SLC35F4: variants seen among roughly 807,000 people sequenced by gnomAD.
SLC35F4 encodes the protein chromosome 14 open reading frame 36.
A neutral mutation model predicts 44.2 loss-of-function variants in SLC35F4; 24 were observed. The ratio of observed to expected loss-of-function variants is 0.54; its 90% CI spans 0.39 to 0.76. The LOEUF (loss-of-function observed/expected upper bound fraction) is 0.76. SLC35F4 is among the 30% of genes least tolerant of loss of function. SLC35F4 has a pLI of 0.00. For missense variants in SLC35F4, 562 were observed against 586.1 expected (o/e 0.96, Z 0.42); for synonymous variants, 238 against 223.6 (o/e 1.06, Z -0.57).
At chr14:57,946,842 A>T (rs1473216067) in intron 1 of SLC35F4, among the ~76,000 whole-genome samples, 1 of 152,080 alleles carries the variant, frequency 6.6e-6, no homozygotes, top group Non-Finnish European at 1.5e-5. Flanking sequence ...TTATACCAGT[A>T]CCAGGCTGTT....
chr14:57,605,755 A>C (rs553713275), intron 1 of SLC35F4, among the ~76,000 whole-genome samples: 1 of 152,270 alleles, frequency 6.6e-6, no homozygotes, highest in Non-Finnish European at 1.5e-5. Context: ...AGTGGTACAG[A>C]TACACCATGG....
intron 1 of SLC35F4, among the ~76,000 whole-genome samples, chr14:57,945,457 G>A (rs1048434919): frequency 6.9e-6 from 1 of 144,958 alleles, no homozygotes. Flanking sequence ...GTGTGTGTGT[G>A]TGTGTGTGTG....
intron 1 of SLC35F4, among the ~76,000 whole-genome samples, chr14:57,723,619 T>G (rs1234664608): frequency 1.3e-5 from 2 of 152,246 alleles, no homozygotes; most frequent in Non-Finnish European, 2.9e-5. Context: ...ATGCAGCCAT[T>G]GACATGGCAA....
chr14:57,878,478 G>T (rs1888449458), intron 1 of SLC35F4, among the ~76,000 whole-genome samples: 1 of 152,060 alleles, frequency 6.6e-6, no homozygotes, highest in African/African-American at 2.4e-5. Flanking sequence ...TCAACTCTGT[G>T]ACTACTCCCC....
chr14:57,901,296 T>C (rs568063823), intron 1 of SLC35F4, among the ~76,000 whole-genome samples: 2 of 152,224 alleles, frequency 1.3e-5, no homozygotes, highest in Admixed American at 1.3e-4. Flanking sequence ...ATAAACTGGA[T>C]AAAGAAAATG....
At chr14:57,682,258 A>G (rs536172280) in intron 1 of SLC35F4, among the ~76,000 whole-genome samples, 34 of 152,334 alleles carry the variant, frequency 2.2e-4, no homozygotes, top group Non-Finnish European at 4.1e-4. Flanking sequence ...ATGCCCATCA[A>G]TGATAGACTG....
At chr14:57,654,933 C>T (rs914366140) in intron 1 of SLC35F4, among the ~76,000 whole-genome samples, 8 of 152,084 alleles carry the variant, frequency 5.3e-5, no homozygotes, top group African/African-American at 1.7e-4. Context: ...GGTACGCTGA[C>T]GAAGCCCGCA....
chr14:57,787,298 C>T (rs1482150574), intron 1 of SLC35F4, among the ~76,000 whole-genome samples: 2 of 152,060 alleles, frequency 1.3e-5, no homozygotes, highest in Non-Finnish European at 2.9e-5. Context: ...AATCGGTGTT[C>T]CTGAAGAAGA....
At chr14:57,645,358 T>C (rs2073454947) in intron 1 of SLC35F4, among the ~76,000 whole-genome samples, 1 of 152,214 alleles carries the variant, frequency 6.6e-6, no homozygotes, top group South Asian at 2.1e-4. Context: ...GGTGGATTCC[T>C]AGGTATTTTA....
chr14:57,775,555 G>T (rs1403151709), intron 1 of SLC35F4, among the ~76,000 whole-genome samples: 1 of 152,158 alleles, frequency 6.6e-6, no homozygotes, highest in East Asian at 1.9e-4. Context: ...GCTCTTTAAG[G>T]TTTTCCAGAA....
At chr14:57,570,692 C>T (rs1167121841) in intron 5 of SLC35F4, among the ~76,000 whole-genome samples, 1 of 152,172 alleles carries the variant, frequency 6.6e-6, no homozygotes, top group Non-Finnish European at 1.5e-5. Context: ...AAGCAGATCT[C>T]TTCTGCCTGG....
chr14:57,735,202 G>T (rs2076433498), intron 1 of SLC35F4, among the ~76,000 whole-genome samples: 1 of 152,004 alleles, frequency 6.6e-6, no homozygotes, highest in Admixed American at 6.6e-5. Context: ...ATTGTGTTTT[G>T]CTGTTCCTCT....
At chr14:57,674,363 A>T (rs187052300) in intron 1 of SLC35F4, among the ~76,000 whole-genome samples, 4 of 152,138 alleles carry the variant, frequency 2.6e-5, no homozygotes, top group Non-Finnish European at 5.9e-5. Flanking sequence ...CTACTTCATG[A>T]TGTCTACTTT....
chr14:57,820,504 G>A (rs1883060594), intron 1 of SLC35F4, among the ~76,000 whole-genome samples: 1 of 152,182 alleles, frequency 6.6e-6, no homozygotes, highest in Admixed American at 6.5e-5. Flanking sequence ...TCTCACCAAT[G>A]ATCAGAGGTA....
Position 57,742,875 on chromosome 14 carries a change from C to G in SLC35F4, c.103+122848G>C, listed in dbSNP as rs371375629. On this transcript the variant is annotated intron_variant, in intron 1 of 7. Coordinates refer to ENST00000556826, the MANE Select transcript of SLC35F4 (RefSeq NM_001306087.2). ...GAAGAGAAATTATAACAAACTGTCT[C>G]TCAGACCACAGTGCAATCAAACTAG... Among the ~76,000 whole-genome samples, 21 of 152,322 alleles carry G rather than the reference C, an allele frequency of 1.4e-4. 1 individual carries two copies. In the South Asian group the frequency reaches 4.1e-3, roughly 30 times the overall value.
intron 1 of SLC35F4, among the ~76,000 whole-genome samples, chr14:57,656,256 C>T (rs763620845): frequency 2.0e-5 from 3 of 151,608 alleles, no homozygotes; most frequent in Non-Finnish European, 2.9e-5. Flanking sequence ...AAAACACACA[C>T]TTGGAAACTG....
At chr14:57,934,338 G>A (rs555487539) in intron 1 of SLC35F4, among the ~76,000 whole-genome samples, 1 of 148,722 alleles carries the variant, frequency 6.7e-6, no homozygotes, top group Non-Finnish European at 1.5e-5. Context: ...TCTGGGCTCA[G>A]CTTTCTCATC....
intron 1 of SLC35F4, among the ~76,000 whole-genome samples, chr14:57,643,980 G>A (rs1172929698): frequency 6.6e-6 from 1 of 152,178 alleles, no homozygotes; most frequent in Non-Finnish European, 1.5e-5. Flanking sequence ...GTATTCCATG[G>A]TGTGTATGTG....
At position 57,581,317 on chromosome 14, in the gene SLC35F4, T is replaced by C. The variant is rs772117145; in HGVS notation, c.704A>G (p.Lys235Arg). ...LTNYLYLLAL[K>R]KLTATDVSAL... Reference sequence around the variant, plus strand: ...GGAGACATCCGTGGCCGTCAGCTTCTTTAAAGCCAGTAAATAAAGGTAATT... The same window carrying C: ...GGAGACATCCGTGGCCGTCAGCTTCCTTAAAGCCAGTAAATAAAGGTAATT... Residue 235 changes from lysine to arginine, a missense_variant, in exon 4 of 8, where the codon AAG becomes AGG. By Grantham distance (26) the Lys-to-Arg change is conservative. Coordinates refer to ENST00000556826, the MANE Select transcript of SLC35F4 (RefSeq NM_001306087.2). 1.2e-6 allele frequency: 2 copies of C among 1,613,604 alleles called. No individual in the cohort carries two copies. Among genetic ancestry groups the C allele is most frequent in the Admixed American group, 3.3e-5 (2 of 59,926 alleles).
Sources: gnomAD v4.1 joint callset for allele counts (sites outside exome capture counted in the v4.1 genomes callset) on GRCh38, gnomAD v4.1.1 for gene constraint, MANE v1.5 for transcripts, NCBI Gene and HGNC (gene_info 2026-07-23, HGNC 2026-07-21) for gene names.